Variants in PCDH15 observed in about 807,000 individuals in gnomAD.
PCDH15 encodes protocadherin related 15, also known as protocadherin-15.
In PCDH15, 129 loss-of-function variants were observed where a neutral mutation model predicts 178.5. The ratio of observed to expected loss-of-function variants is 0.72; its 90% CI spans 0.63 to 0.84. The LOEUF (loss-of-function observed/expected upper bound fraction) is 0.84, where lower values mean the gene tolerates loss of function less well. Ranked by LOEUF, PCDH15 falls within the 40% of genes least tolerant of loss-of-function variation. PCDH15 has a pLI of 0.00. For missense variants in PCDH15, 2,230 were observed against 2,099.9 expected, an observed-to-expected ratio of 1.06 and a Z score of -1.21; for synonymous variants, 800 against 732.0, an observed-to-expected ratio of 1.09 and a Z score of -1.50.
intron 3 of PCDH15, among the ~76,000 whole-genome samples, chr10:54,502,946 T>C (rs1242507812): frequency 6.6e-6 from 1 of 152,062 alleles, no homozygotes; most frequent in African/African-American, 2.4e-5. Flanking sequence ...ATATGCATTT[T>C]TTATTACTAA....
At chr10:55,539,855 G>A (rs1055621664) in intron 2 of PCDH15, among the ~76,000 whole-genome samples, 2 of 151,888 alleles carry the variant, frequency 1.3e-5, no homozygotes, top group South Asian at 2.1e-4. Context: ...TGTCAATTAC[G>A]ACCCAGGTAC....
intron 18 of PCDH15, among the ~76,000 whole-genome samples, chr10:54,058,366 A>C (rs1024606573): frequency 6.6e-6 from 1 of 152,208 alleles, no homozygotes; most frequent in East Asian, 1.9e-4. Flanking sequence ...GCCTGCTTTC[A>C]TGGCAGAAGG....
intron 2 of PCDH15, among the ~76,000 whole-genome samples, chr10:54,556,893 G>T (rs796263120): frequency 6.6e-6 from 1 of 151,904 alleles, no homozygotes; most frequent in Non-Finnish European, 1.5e-5. Context: ...TGGGGTTGGG[G>T]GTGGGAGGAG....
In PCDH15 at chr10:55,166,605, AG is replaced by A. The variant is rs1839204068; in HGVS notation, c.-110del. The A allele has an allele frequency of 5.9e-5, 9 of 152,286 alleles. No homozygotes were observed. In the South Asian group the frequency reaches 1.9e-3, roughly 32 times the overall value. 9.4% of individuals were successfully genotyped at this position (152,286 alleles called of 1,614,324 possible). On this transcript the variant is annotated 5_prime_UTR_variant, in exon 2 of 6. Transcript: ENST00000458638. ...GTGTCGTGTCCTTTTGTCAACCTCT[AG>A]GTCTGTCAACTTCAACTGTTTCTAG...
At chr10:55,335,473 T>C (rs1312051220) in intron 2 of PCDH15, among the ~76,000 whole-genome samples, 1 of 152,190 alleles carries the variant, frequency 6.6e-6, no homozygotes, top group Non-Finnish European at 1.5e-5. Flanking sequence ...TATTTAAAAA[T>C]CTTTGAAAGA....
intron 2 of PCDH15, among the ~76,000 whole-genome samples, chr10:54,939,416 A>T (rs1354200411): frequency 1.4e-5 from 2 of 139,058 alleles, no homozygotes; most frequent in Non-Finnish European, 3.1e-5. Context: ...AATGGCATGA[A>T]CCCGGGAGGC....
intron 2 of PCDH15, among the ~76,000 whole-genome samples, chr10:54,919,984 T>C (rs898513696): frequency 2.0e-5 from 3 of 152,188 alleles, no homozygotes; most frequent in African/African-American, 7.2e-5. Context: ...TAAGTGGAAC[T>C]GTAGCCCTCA....
chr10:55,226,971 AC>A (rs1330339058), intron 1 of PCDH15, among the ~76,000 whole-genome samples: 1 of 152,086 alleles, frequency 6.6e-6, no homozygotes, highest in Non-Finnish European at 1.5e-5. Context: ...CAAGAGATTA[AC>A]AAAAAAATTA....
chr10:54,343,600 T>C (rs953224818), intron 6 of PCDH15, among the ~76,000 whole-genome samples: 16 of 150,766 alleles, frequency 1.1e-4, no homozygotes, highest in African/African-American at 3.7e-4. Context: ...AGAACACCAT[T>C]TGAATTGCAA....
At chr10:54,174,300 A>C (rs1472169722) in intron 13 of PCDH15, among the ~76,000 whole-genome samples, 4 of 152,096 alleles carry the variant, frequency 2.6e-5, no homozygotes, top group African/African-American at 4.8e-5. Flanking sequence ...TGGGAGGCCG[A>C]GGCAGGCAGA....
chr10:54,254,785 A>T (rs1057418307), intron 8 of PCDH15, among the ~76,000 whole-genome samples: 1 of 152,204 alleles, frequency 6.6e-6, no homozygotes, highest in Non-Finnish European at 1.5e-5. Flanking sequence ...ATAACTCTGG[A>T]TGCTGATGCC....
intron 1 of PCDH15, among the ~76,000 whole-genome samples, chr10:55,266,447 G>A (rs912406481): frequency 3.3e-5 from 5 of 152,154 alleles, no homozygotes; most frequent in Non-Finnish European, 5.9e-5. Flanking sequence ...AGGGGAGCAT[G>A]GGTAGAGAAA....
intron 20 of PCDH15, among the ~76,000 whole-genome samples, chr10:54,004,426 C>CACA (rs35001487): frequency 0.038 from 3,674 of 96,876 alleles, 107 homozygotes; most frequent in East Asian, 0.14. Flanking sequence ...CACACACACA[C>CACA]CACACAAAGT....
At chr10:53,850,451 A>G (rs1394411176) in intron 28 of PCDH15, among the ~76,000 whole-genome samples, 1 of 152,130 alleles carries the variant, frequency 6.6e-6, no homozygotes, top group Admixed American at 6.5e-5. Context: ...AACAGAGGTT[A>G]CTTCTCTACT....
intron 35 of PCDH15, among the ~76,000 whole-genome samples, chr10:53,813,060 C>T (rs1211164668): frequency 3.3e-5 from 5 of 152,012 alleles, no homozygotes; most frequent in Non-Finnish European, 2.9e-5. Context: ...GAAAATGACA[C>T]CAACACTGTG....
At position 55,221,898 on chromosome 10, in the gene PCDH15, A is replaced by G. The variant is rs527500671; in HGVS notation, c.-155-55247T>C. Among the ~76,000 whole-genome samples, 377 of 150,200 alleles carry G rather than the reference A, an allele frequency of 2.5e-3. 6 individuals are homozygous for G. The highest frequency in any genetic ancestry group is 8.8e-3 in the African/African-American group (360 of 40,826). The stretch of plus-strand genomic sequence containing the variant: ...TTTTTTTTTTTTGAAATGGAGTCTC[A>G]CTCTGTCGCCCAGGCTGGAGTGCAG... On this transcript the variant is annotated intron_variant, in intron 1 of 5. Transcript: ENST00000458638.
chr10:55,315,159 A>G (rs1364737988), intron 1 of PCDH15, among the ~76,000 whole-genome samples: 1 of 152,118 alleles, frequency 6.6e-6, no homozygotes, highest in Non-Finnish European at 1.5e-5. Context: ...TCTTTCTATA[A>G]TAGTAGATAA....
intron 2 of PCDH15, among the ~76,000 whole-genome samples, chr10:54,556,242 T>C (rs920972193): frequency 2.0e-5 from 3 of 152,212 alleles, no homozygotes; most frequent in African/African-American, 7.2e-5. Context: ...TTTTAGATCA[T>C]AATAGAAAAT....
At chr10:55,319,050 AACACAC>A (rs67901034) in intron 1 of PCDH15, among the ~76,000 whole-genome samples, 16 of 150,078 alleles carry the variant, frequency 1.1e-4, no homozygotes, top group Admixed American at 6.0e-4. Context: ...AAACAAACAA[AACACAC>A]ACACACACAC....
Sources: allele counts gnomAD v4.1 joint callset (sites outside exome capture counted in the v4.1 genomes callset), GRCh38; gene constraint gnomAD v4.1.1; transcripts MANE v1.5; gene names NCBI Gene and HGNC (gene_info 2026-07-23, HGNC 2026-07-21).